The following UGT1A3 variants were observed in gnomAD, a reference collection of about 807,000 sequenced individuals.
UGT1A3 encodes UDP-glucuronosyltransferase 1A3.
Under a neutral mutation model 41.0 loss-of-function variants are expected in UGT1A3, and 31 were observed. The observed-to-expected ratio is 0.76, with a 90% CI of 0.57 to 1.02. UGT1A3 has a LOEUF of 1.02. Among genes scored for constraint, UGT1A3 ranks in the 50% least tolerant of loss-of-function variants. UGT1A3 has a pLI of 0.00. For missense variants in UGT1A3, 737 were observed against 671.0 expected, an observed-to-expected ratio of 1.10 and a Z score of -1.09; for synonymous variants, 262 against 257.6, an observed-to-expected ratio of 1.02 and a Z score of -0.17.
chr2:233,748,199 G>T (rs1164871167), intron 1 of UGT1A3: 1 of 1,533,212 alleles, frequency 6.5e-7, no homozygotes. Context: ...TCTGCTTGTC[G>T]TAATAGCCTT....
chr2:233,758,555 A>G (rs1183009321), intron 1 of UGT1A3, among the ~76,000 whole-genome samples: 1 of 152,170 alleles, frequency 6.6e-6, no homozygotes, highest in African/African-American at 2.4e-5. Context: ...CTTGCCCAGA[A>G]TCTTGGTCCT....
chr2:233,757,867 T>C (rs1324450785), intron 1 of UGT1A3, among the ~76,000 whole-genome samples: 1 of 151,950 alleles, frequency 6.6e-6, no homozygotes. Context: ...AAAAAGAAAG[T>C]AGCTTCAAAA....
At chr2:233,760,969 TC>T in intron 1 of UGT1A3, 1 of 1,614,196 alleles carries the variant, frequency 6.2e-7, no homozygotes, top group Admixed American at 1.7e-5. Context: ...CGTGGTTTAT[TC>T]CCCGTATGCA....
intron 1 of UGT1A3, among the ~76,000 whole-genome samples, chr2:233,764,949 G>A (rs1698700873): frequency 6.6e-6 from 1 of 152,108 alleles, no homozygotes. Context: ...GGCGGGGAGA[G>A]AGGGCTCACC....
In UGT1A3 at chr2:233,729,602, C is replaced by T. The variant is rs746977069; in HGVS notation, c.476C>T (p.Ala159Val). 10 of 1,613,864 alleles carry T rather than the reference C, an allele frequency of 6.2e-6. No homozygotes were observed. Among genetic ancestry groups the T allele is most frequent in the African/African-American group, 5.3e-5 (4 of 74,870 alleles). Residue 159 changes from alanine (A) to valine (V), a missense_variant, in exon 1 of 5, where the codon GCA becomes GTA. Coordinates refer to ENST00000482026, the MANE Select transcript of UGT1A3 (RefSeq NM_019093.4). Reference protein sequence around the residue: ...VLTDPVNLCAAVLAKYLSIPT... With the variant: ...VLTDPVNLCAVVLAKYLSIPT... ...ACAGACCCCGTTAACCTCTGCGCGG[C>T]AGTGCTGGCTAAGTACCTGTCGATT...
intron 1 of UGT1A3, among the ~76,000 whole-genome samples, chr2:233,732,497 G>A (rs2078278332): frequency 6.6e-6 from 1 of 152,228 alleles, no homozygotes; most frequent in Non-Finnish European, 1.5e-5. Flanking sequence ...TAAGGCGTAA[G>A]GAAGGGATCC....
At chr2:233,753,723 TATGCCCC>T (rs1654919100) in intron 1 of UGT1A3, 1 of 152,226 alleles carries the variant, frequency 6.6e-6, no homozygotes, top group Non-Finnish European at 1.5e-5. Flanking sequence ...CCTAATTTGA[TATGCCCC>T]AAGCACAGCA....
intron 1 of UGT1A3, among the ~76,000 whole-genome samples, chr2:233,730,785 G>C (rs1273458809): frequency 1.3e-5 from 2 of 152,122 alleles, no homozygotes; most frequent in Non-Finnish European, 2.9e-5. Flanking sequence ...TGAAGCTGGG[G>C]ACAGTGATGA....
chr2:233,762,117 T>C (rs1697974110), intron 1 of UGT1A3, among the ~76,000 whole-genome samples: 1 of 152,230 alleles, frequency 6.6e-6, no homozygotes, highest in Non-Finnish European at 1.5e-5. Context: ...CTTCACATCA[T>C]GAGCCATGTG....
intron 1 of UGT1A3, chr2:233,747,693 C>T: frequency 6.2e-7 from 1 of 1,611,232 alleles, no homozygotes; most frequent in South Asian, 1.1e-5. Flanking sequence ...TGGGGCAGTG[C>T]TGGCTAAGTA....
chr2:233,750,287 A>AT (rs1158037876), intron 1 of UGT1A3, among the ~76,000 whole-genome samples: 1 of 151,952 alleles, frequency 6.6e-6, no homozygotes, highest in Non-Finnish European at 1.5e-5. Context: ...GACTGGTGGC[A>AT]TTTTGCCCCT....
At chr2:233,748,105 C>T in intron 1 of UGT1A3, 1 of 1,612,580 alleles carries the variant, frequency 6.2e-7, no homozygotes, top group Non-Finnish European at 8.5e-7. Flanking sequence ...TTCATCCAAT[C>T]AATGTTCCAG....
Position 233,746,688 on chromosome 2 carries a change from A to G in UGT1A3, c.867+16695A>G, listed in dbSNP as rs575730371. 2.2e-4 allele frequency among the ~76,000 whole-genome samples: 34 copies of G among 151,888 alleles called. 2 individuals carry two copies. The highest frequency in any genetic ancestry group is 7.5e-4 in the African/African-American group (31 of 41,174). On this transcript the variant is annotated intron_variant, in intron 1 of 4. Transcript: ENST00000482026. The stretch of plus-strand genomic sequence containing the variant: ...CTAGCATAGTAGGTAGGGCTCACAC[A>G]TTCCATAAATATTTGGTGGATAAGG...
chr2:233,759,820 G>A (rs554010923), intron 1 of UGT1A3, among the ~76,000 whole-genome samples: 9 of 152,316 alleles, frequency 5.9e-5, no homozygotes, highest in East Asian at 1.9e-4. Context: ...AGTACCGGGG[G>A]AGCTGTGGAG....
At chr2:233,768,015 A>T in intron 3 of UGT1A3, 79 bp downstream of exon 3, 4 of 1,613,904 alleles carry the variant, frequency 2.5e-6, no homozygotes, top group Non-Finnish European at 3.4e-6. Context: ...ATTCTAAAGG[A>T]TTGTTGAGCT....
intron 1 of UGT1A3, chr2:233,743,752 C>T (rs1459474773): frequency 7.3e-7 from 1 of 1,367,268 alleles, no homozygotes. Flanking sequence ...CGTCCGACAA[C>T]ACCTCGTAGG....
At chr2:233,731,607 C>T (rs1360371440) in intron 1 of UGT1A3, among the ~76,000 whole-genome samples, 1 of 152,190 alleles carries the variant, frequency 6.6e-6, no homozygotes, top group Non-Finnish European at 1.5e-5. Context: ...CTGCAAAGGA[C>T]ATGAACTCAT....
chr2:233,741,629 C>T (rs1691726139), intron 1 of UGT1A3: 1 of 151,834 alleles, frequency 6.6e-6, no homozygotes, highest in Non-Finnish European at 1.5e-5. Context: ...CCCATGAGCC[C>T]CTGTGGGATG....
intron 1 of UGT1A3, among the ~76,000 whole-genome samples, chr2:233,745,008 AATGTAAATGCT>A (rs1243749653): frequency 6.6e-6 from 1 of 151,846 alleles, no homozygotes; most frequent in Non-Finnish European, 1.5e-5. Flanking sequence ...TTACCTAATA[AATGTAAATGCT>A]ATGTAAATAG....
Sources: allele counts gnomAD v4.1 joint callset (sites outside exome capture counted in the v4.1 genomes callset), GRCh38; gene constraint gnomAD v4.1.1; transcripts MANE v1.5; gene names NCBI Gene and HGNC (gene_info 2026-07-23, HGNC 2026-07-21).